Variants in ZNF839 observed in about 807,000 individuals in gnomAD.
The protein encoded by ZNF839 is renal carcinoma antigen NY-REN-50.
Under a neutral mutation model 56.4 loss-of-function variants are expected in ZNF839, and 38 were observed. The observed-to-expected ratio is 0.67, with a 90% confidence interval of 0.52 to 0.88. ZNF839 has a LOEUF of 0.88. Among genes scored for constraint, ZNF839 ranks in the 40% least tolerant of loss-of-function variants. The probability of loss-of-function intolerance (pLI) is 0.00; values close to 1 mark genes in which losing one functional copy is unlikely to be tolerated. For synonymous variants in ZNF839, 486 were observed against 493.5 expected, an observed-to-expected ratio of 0.98 and a Z score of 0.20; for missense variants, 1,091 against 1,177.6, an observed-to-expected ratio of 0.93 and a Z score of 1.08.
At chr14:102,335,473 CTTGT>C in intron 4 of ZNF839, 1 of 521,634 alleles carries the variant, frequency 1.9e-6, no homozygotes, top group South Asian at 2.3e-5. Flanking sequence ...CCACCCAGGG[CTTGT>C]TTGTTTCTTG....
intron 1 of ZNF839, among the ~76,000 whole-genome samples, chr14:102,323,700 T>C (rs1380520627): frequency 6.6e-6 from 1 of 152,126 alleles, no homozygotes; most frequent in East Asian, 1.9e-4. Flanking sequence ...GTTAGATATA[T>C]TTGTAAAAAG....
In ZNF839 at chr14:102,332,545, A is replaced by G. The variant is rs936408251; in HGVS notation, c.1416+699A>G. On this transcript the variant is annotated intron_variant, in intron 3 of 7. Transcript: ENST00000442396. This position sits in a 1 kb window ranked among gnomAD's most constrained non-coding sequence, Gnocchi z 4.9. ...TCCCTGTTCTAGGGATGGAGGGGACAGTGTGCACAAGATAGACAGGGCTCG... is the reference window on the plus strand; with the variant it reads ...TCCCTGTTCTAGGGATGGAGGGGACGGTGTGCACAAGATAGACAGGGCTCG... 3.3e-5 allele frequency among the ~76,000 whole-genome samples: 5 copies of G among 152,160 alleles called. No homozygotes were observed. The highest frequency in any genetic ancestry group is 5.9e-5 in the Non-Finnish European group (4 of 68,010).
At chr14:102,321,535 G>T (rs1372916416) in intron 1 of ZNF839, among the ~76,000 whole-genome samples, 1 of 152,174 alleles carries the variant, frequency 6.6e-6, no homozygotes, top group African/African-American at 2.4e-5. Context: ...AATTCTACCT[G>T]CAATAATATA....
chr14:102,328,852 T>C (rs2073615312), intron 2 of ZNF839, among the ~76,000 whole-genome samples: 1 of 152,198 alleles, frequency 6.6e-6, no homozygotes, highest in Non-Finnish European at 1.5e-5. Flanking sequence ...TGTGTGTACA[T>C]ATCACACGTT....
In ZNF839 at chr14:102,331,761, A is replaced by G; in HGVS notation, c.1331A>G (p.Gln444Arg). 3 of 1,601,496 alleles carry G rather than the reference A, an allele frequency of 1.9e-6. No homozygotes were observed. The South Asian group carries it at 3.4e-5, about 18-fold the overall frequency. Residue 444 changes from glutamine to arginine, a missense_variant, in exon 3 of 8, where the codon CAG becomes CGG. Physicochemically the swap from Gln to Arg is conservative, Grantham distance 43. Coordinates refer to ENST00000442396, the MANE Select transcript of ZNF839 (RefSeq NM_018335.6). Reference sequence around the variant, plus strand: ...GCAGAGTCCCGCACAGCTGTCCTCCAGCAGAGAAGAGCTGCTCAGCTACCT... The same window carrying G: ...GCAGAGTCCCGCACAGCTGTCCTCCGGCAGAGAAGAGCTGCTCAGCTACCT... The part of the protein sequence containing the change: ...TLAESRTAVL[Q>R]QRRAAQLPGG...
At chr14:102,336,288 T>A (rs1020418292) in intron 5 of ZNF839, among the ~76,000 whole-genome samples, 22 of 151,666 alleles carry the variant, frequency 1.5e-4, no homozygotes, top group African/African-American at 2.2e-4. Flanking sequence ...CAAGTGAAAA[T>A]TTTTTTTTCT....
intron 2 of ZNF839, among the ~76,000 whole-genome samples, chr14:102,328,354 CAAAAA>C (rs1158691824): frequency 4.8e-4 from 14 of 28,884 alleles, no homozygotes; most frequent in South Asian, 1.8e-3. Context: ...AACTCCATCT[CAAAAA>C]AAAAAAAAAA....
At chr14:102,336,731 TTC>T in intron 5 of ZNF839, 1 of 352,836 alleles carries the variant, frequency 2.8e-6, no homozygotes, top group Non-Finnish European at 5.5e-6. Context: ...TATCATTTTC[TTC>T]TTTTTTTTTT....
At chr14:102,323,824 C>T (rs1239187837) in intron 1 of ZNF839, among the ~76,000 whole-genome samples, 3 of 152,134 alleles carry the variant, frequency 2.0e-5, no homozygotes, top group African/African-American at 7.2e-5. Flanking sequence ...AGGTTGGAAA[C>T]CACCTGTCCA....
chr14:102,332,480 TATTA>T lies in ZNF839; in HGVS notation c.1416+638_1416+641del, dbSNP rs1390988105. 6.6e-6 allele frequency among the ~76,000 whole-genome samples: 1 copy of T among 152,098 alleles called. No homozygotes were observed. The highest frequency in any genetic ancestry group is 2.4e-5 in the African/African-American group (1 of 41,408). On this transcript the variant is annotated intron_variant, in intron 3 of 7. Coordinates refer to ENST00000442396, the MANE Select transcript of ZNF839 (RefSeq NM_018335.6). The surrounding 1 kb of genome is among the most constrained non-coding windows in gnomAD (Gnocchi z 4.9). ...AGATGATAATTTCTCCAGAAATGGA[TATTA>T]ATTTATACATTTACTGGGTGTCCAT...
chr14:102,335,665 T>G, intron 4 of ZNF839, 24 bp from the exon 5 acceptor site: 1 of 1,564,998 alleles, frequency 6.4e-7, no homozygotes, highest in Non-Finnish European at 8.6e-7. Flanking sequence ...TTAAACTTTT[T>G]TTTTGGTCTT....
chr14:102,323,201 CACT>C (rs2073226425), intron 1 of ZNF839, among the ~76,000 whole-genome samples: 2 of 152,206 alleles, frequency 1.3e-5, no homozygotes, highest in African/African-American at 4.8e-5. Context: ...CCACAGGGGG[CACT>C]TGGCAATGTC....
At chr14:102,331,191 T>C (rs2073762586) in intron 2 of ZNF839, among the ~76,000 whole-genome samples, 1 of 152,264 alleles carries the variant, frequency 6.6e-6, no homozygotes. Context: ...GGATACGTAA[T>C]GAATTAGGAA....
At chr14:102,338,790 T>C (rs78836984) in intron 5 of ZNF839, 26 bp from the exon 6 acceptor site, 10 of 1,613,690 alleles carry the variant, frequency 6.2e-6, no homozygotes, top group Non-Finnish European at 7.6e-6. Context: ...GGGTGAAGTT[T>C]ATTCTCTTGG....
At position 102,326,590 on chromosome 14, in the gene ZNF839, C is replaced by A. The variant is rs375904596; in HGVS notation, c.894C>A (p.His298Gln). ...VEEDEDQRER[H>Q]ALFDLSSCSL... is the part of the protein sequence containing the mutation. ...AAGATGAAGATCAGAGGGAGAGGCA[C>A]GCACTCTTTGACTTATCGAGCTGCT... The change falls in exon 2 of 8, where the codon CAC becomes CAA. Residue 298 changes from histidine to glutamine, a missense_variant. His to Gln is a conservative substitution (Grantham distance 24). Around this residue, in one of 3 missense-constraint regions of ZNF839, gnomAD observed 614 missense variants for 629.2 expected, o/e 0.98. Transcript: ENST00000442396. This position sits in a 1 kb window ranked among gnomAD's most constrained non-coding sequence, Gnocchi z 4.3. 14 of 1,613,908 alleles carry A rather than the reference C, an allele frequency of 8.7e-6. No individual in the cohort carries two copies. The highest frequency in any genetic ancestry group is 1.1e-5 in the Non-Finnish European group (13 of 1,179,856).
chr14:102,324,649 C>T (rs1294789608), intron 1 of ZNF839, among the ~76,000 whole-genome samples: 1 of 152,116 alleles, frequency 6.6e-6, no homozygotes, highest in Admixed American at 6.6e-5. Flanking sequence ...TGTGGTGGCA[C>T]TCCAGCCTGG....
At position 102,334,540 on chromosome 14, in the gene ZNF839, C is replaced by T. The variant is rs766284972; in HGVS notation, c.1417-14C>T. The T allele has an allele frequency of 1.9e-6, 3 of 1,595,932 alleles. No individual in the cohort carries two copies. Among genetic ancestry groups the T allele is most frequent in the Non-Finnish European group, 2.6e-6 (3 of 1,167,760 alleles). On this transcript the variant is annotated splice_polypyrimidine_tract_variant and intron_variant, in intron 3 of 7. Transcript: ENST00000442396. ...ACGGGACATTCAAAGGCATGAAATG[C>T]TTTCCCTTGGTAGTTCCTCCAGCAG...
intron 7 of ZNF839, among the ~76,000 whole-genome samples, chr14:102,340,339 T>G (rs555325389): frequency 1.3e-3 from 197 of 150,762 alleles, no homozygotes; most frequent in African/African-American, 4.7e-3. Context: ...TGGCATGATC[T>G]CTGCTCACTG....
chr14:102,323,435 C>A (rs528651870), intron 1 of ZNF839, among the ~76,000 whole-genome samples: 1 of 152,366 alleles, frequency 6.6e-6, no homozygotes, highest in African/African-American at 2.4e-5. Context: ...GCTTCCCCGT[C>A]CTTCTCCCCT....
Sources: gnomAD v4.1 joint callset for allele counts (sites outside exome capture counted in the v4.1 genomes callset) on GRCh38, gnomAD v4.1.1 for gene constraint, gnomAD v4.1.1 regional missense constraint, Gnocchi (gnomAD v3.1) non-coding constraint, MANE v1.5 for transcripts, NCBI Gene and HGNC (gene_info 2026-07-23, HGNC 2026-07-21) for gene names.